Variants in PCDH15 observed in about 807,000 individuals in gnomAD.
PCDH15 encodes protocadherin related 15.
PCDH15 carries 129 observed loss-of-function variants against 178.5 expected under a neutral mutation model. The observed-to-expected ratio is 0.72, with a 90% CI of 0.63 to 0.84. The LOEUF (loss-of-function observed/expected upper bound fraction) is 0.84, where lower values mean the gene tolerates loss of function less well. Ranked by LOEUF, PCDH15 falls within the 40% of genes least tolerant of loss-of-function variation. The pLI is 0.00. For synonymous variants in PCDH15, 800 were observed against 732.0 expected, an observed-to-expected ratio of 1.09 and a Z score of -1.50; for missense variants, 2,230 against 2,099.9, an observed-to-expected ratio of 1.06 and a Z score of -1.21.
At chr10:54,869,182 G>A (rs1053637315) in intron 3 of PCDH15, 2 of 152,142 alleles carry the variant, frequency 1.3e-5, no homozygotes, top group African/African-American at 4.8e-5. Context: ...ATTTGACACA[G>A]AGACACAGGG....
intron 21 of PCDH15, among the ~76,000 whole-genome samples, chr10:53,965,771 T>C (rs558918360): frequency 3.7e-4 from 56 of 152,316 alleles, no homozygotes; most frequent in African/African-American, 1.3e-3. Context: ...ATTCAGTCTG[T>C]AGGACGGTGA....
chr10:54,804,877 C>A (rs542030272), upstream of PCDH15, among the ~76,000 whole-genome samples: 1 of 125,498 alleles, frequency 8.0e-6, no homozygotes, highest in Non-Finnish European at 1.6e-5. Context: ...TACAAACTTT[C>A]TTTTTCTGTA....
intron 9 of PCDH15, among the ~76,000 whole-genome samples, chr10:54,215,022 T>G (rs2051857430): frequency 6.6e-6 from 1 of 152,238 alleles, no homozygotes; most frequent in Non-Finnish European, 1.5e-5. Flanking sequence ...AATCATAAAA[T>G]TGTATAGTAT....
rs1430276378 is a variant in PCDH15 at position 54,695,206 on chromosome 10, A to G, written c.-28-30916T>C. On this transcript the variant is annotated intron_variant, in intron 1 of 37. Coordinates refer to ENST00000644397, the MANE Select transcript of PCDH15 (RefSeq NM_001384140.1). ...GTTGTGCACATGTACCCTAAAACTT[A>G]AAGTATAAACAAAACAAAACAAAAC... is the stretch of plus-strand genomic sequence containing the variant. 2.6e-5 allele frequency among the ~76,000 whole-genome samples: 4 copies of G among 152,208 alleles called. No homozygotes were observed. The East Asian group carries it at 5.8e-4, about 22-fold the overall frequency.
intron 2 of PCDH15, among the ~76,000 whole-genome samples, chr10:55,072,211 T>C (rs948982886): frequency 2.6e-5 from 4 of 151,912 alleles, no homozygotes; most frequent in African/African-American, 9.7e-5. Context: ...AGCAAACACA[T>C]TCAAAAGCTA....
At chr10:54,354,266 A>T (rs2583032) in intron 5 of PCDH15, among the ~76,000 whole-genome samples, 17,503 of 152,216 alleles carry the variant, frequency 0.11, 1,794 homozygotes, top group African/African-American at 0.28. Context: ...ATTACAAGCA[A>T]AAGCCACTGT....
chr10:55,012,534 G>A (rs189391973), intron 2 of PCDH15, among the ~76,000 whole-genome samples: 1 of 152,096 alleles, frequency 6.6e-6, no homozygotes, highest in Admixed American at 6.5e-5. Flanking sequence ...AGCCTACAGT[G>A]CCCAGTGAAA....
chr10:54,843,181 T>C (rs1049534528), intron 3 of PCDH15, among the ~76,000 whole-genome samples: 1 of 151,930 alleles, frequency 6.6e-6, no homozygotes, highest in African/African-American at 2.4e-5. Context: ...GTTGTATCGT[T>C]TGGCTTCATG....
intron 2 of PCDH15, among the ~76,000 whole-genome samples, chr10:54,558,253 G>C (rs1565593242): frequency 6.6e-6 from 1 of 152,006 alleles, no homozygotes; most frequent in African/African-American, 2.4e-5. Context: ...TTTATTGTTT[G>C]CTTCAAAAAT....
chr10:53,928,131 G>A (rs1439933321), intron 25 of PCDH15, among the ~76,000 whole-genome samples: 1 of 152,058 alleles, frequency 6.6e-6, no homozygotes, highest in Non-Finnish European at 1.5e-5. Context: ...GACTGGTGAA[G>A]TTGAGACAAT....
At chr10:55,619,331 G>T (rs1266108808) in intron 2 of PCDH15, among the ~76,000 whole-genome samples, 1 of 151,924 alleles carries the variant, frequency 6.6e-6, no homozygotes, top group Non-Finnish European at 1.5e-5. Context: ...TAGCGTCATT[G>T]GTTCTGGCAA....
rs541797762 is a variant in PCDH15 at position 55,345,518 on chromosome 10, T to C, written c.-155-178867A>G. On this transcript the variant is annotated intron_variant, in intron 2 of 5. Coordinates refer to the PCDH15 transcript ENST00000613346. ...GGCAATTCCTCCACCCTCTTGTCGG[T>C]CCTGTACTCTATAAATCAGACCTAT... 3.9e-5 allele frequency among the ~76,000 whole-genome samples: 6 copies of C among 152,204 alleles called. No individual in the cohort carries two copies. In the East Asian group the frequency reaches 1.2e-3, roughly 29 times the overall value.
At chr10:54,080,748 A>G (rs1325507161) in intron 16 of PCDH15, among the ~76,000 whole-genome samples, 1 of 152,180 alleles carries the variant, frequency 6.6e-6, no homozygotes, top group African/African-American at 2.4e-5. Context: ...TGCTTCCTGT[A>G]CATTTTAAAA....
rs74136325 is a variant in PCDH15 at position 55,027,565 on chromosome 10, T to G, written c.-79-130065A>C. Among the ~76,000 whole-genome samples, 789 of 151,882 alleles carry G rather than the reference T, an allele frequency of 5.2e-3. 4 individuals are homozygous for G. The highest frequency in any genetic ancestry group is 0.018 in the African/African-American group (758 of 41,512). ...TGAAAAGGTTTGTTAAGAGTATATA[T>G]GAGAAATGTGAGGAGGAACAATCAA... is the stretch of plus-strand genomic sequence containing the variant. On this transcript the variant is annotated intron_variant, in intron 2 of 5. Coordinates refer to the PCDH15 transcript ENST00000458638.
intron 2 of PCDH15, among the ~76,000 whole-genome samples, chr10:55,130,789 A>G (rs991708211): frequency 2.0e-5 from 3 of 151,780 alleles, no homozygotes; most frequent in African/African-American, 7.3e-5. Flanking sequence ...CTTTTCATAG[A>G]TAACATTGTA....
At chr10:53,856,866 G>A (rs1165291522) in intron 28 of PCDH15, among the ~76,000 whole-genome samples, 1 of 151,992 alleles carries the variant, frequency 6.6e-6, no homozygotes, top group Non-Finnish European at 1.5e-5. Context: ...TTCAAATACT[G>A]CATGTTATTA....
intron 2 of PCDH15, among the ~76,000 whole-genome samples, chr10:55,572,859 G>A (rs968592693): frequency 5.3e-5 from 8 of 151,956 alleles, no homozygotes; most frequent in Non-Finnish European, 4.4e-5. Flanking sequence ...ATGTGGTTTG[G>A]GGTACCCGAA....
chr10:55,499,624 G>T (rs963268485), intron 2 of PCDH15, among the ~76,000 whole-genome samples: 3 of 151,574 alleles, frequency 2.0e-5, no homozygotes, highest in African/African-American at 7.3e-5. Context: ...ATAGATGAAA[G>T]GTTATCCAAT....
chr10:53,843,693 T>TA (rs1028152348), intron 28 of PCDH15, among the ~76,000 whole-genome samples: 7 of 151,996 alleles, frequency 4.6e-5, no homozygotes, highest in Non-Finnish European at 8.8e-5. Flanking sequence ...AACTTCGTGA[T>TA]AAAAAAAGTC....
Sources: allele counts gnomAD v4.1 joint callset (sites outside exome capture counted in the v4.1 genomes callset), GRCh38; gene constraint gnomAD v4.1.1; transcripts MANE v1.5; gene names NCBI Gene and HGNC (gene_info 2026-07-23, HGNC 2026-07-21).